The following CAMKMT variants were observed in gnomAD, a reference collection of about 807,000 sequenced individuals.
CAMKMT encodes the protein CaM KMT.
CAMKMT carries 53 observed loss-of-function variants against 48.0 expected under a neutral mutation model. That is an observed-to-expected ratio of 1.10 (90% confidence interval 0.89 to 1.39). The LOEUF (loss-of-function observed/expected upper bound fraction) is 1.39, where lower values mean the gene tolerates loss of function less well. Among genes scored for constraint, CAMKMT ranks in the 40% most tolerant of loss-of-function variants. The pLI, the probability that CAMKMT is intolerant of heterozygous loss-of-function variation, is 0.00. For missense variants in CAMKMT, 428 were observed against 402.7 expected (o/e 1.06, Z -0.54); for synonymous variants, 165 against 152.3 (o/e 1.08, Z -0.61).
chr2:44,638,071 A>G (rs1017141691), intron 3 of CAMKMT, among the ~76,000 whole-genome samples: 11 of 151,496 alleles, frequency 7.3e-5, no homozygotes, highest in African/African-American at 1.9e-4. Flanking sequence ...AAAAAAAAAA[A>G]AGAGAAAAAG....
intron 3 of CAMKMT, among the ~76,000 whole-genome samples, chr2:44,690,343 C>G (rs1676575119): frequency 6.6e-6 from 1 of 151,992 alleles, no homozygotes; most frequent in African/African-American, 2.4e-5. Context: ...AGTGAGAGCC[C>G]AAATATGATT....
intron 3 of CAMKMT, among the ~76,000 whole-genome samples, chr2:44,454,414 G>A (rs1667453030): frequency 6.6e-6 from 1 of 152,034 alleles, no homozygotes; most frequent in African/African-American, 2.4e-5. Flanking sequence ...GACCCTACCA[G>A]TAAAATAAAC....
chr2:44,590,527 A>G (rs1670196629), intron 3 of CAMKMT, among the ~76,000 whole-genome samples: 1 of 152,040 alleles, frequency 6.6e-6, no homozygotes, highest in South Asian at 2.1e-4. Flanking sequence ...GCATTTTTTC[A>G]TGTGTTTTTT....
chr2:44,576,942 A>G (rs1316098117), intron 3 of CAMKMT, among the ~76,000 whole-genome samples: 1 of 152,216 alleles, frequency 6.6e-6, no homozygotes, highest in Non-Finnish European at 1.5e-5. Flanking sequence ...TAGATGCTGG[A>G]ACTGTTTTCA....
chr2:44,537,177 C>A (rs12616170), intron 3 of CAMKMT, among the ~76,000 whole-genome samples: 87,824 of 152,052 alleles, frequency 0.58, 26,487 homozygotes, highest in South Asian at 0.68. Context: ...CAATATTAAA[C>A]TAAAAAGCCT....
intron 3 of CAMKMT, among the ~76,000 whole-genome samples, chr2:44,530,429 GA>G (rs911288561): frequency 1.1e-4 from 17 of 152,266 alleles, no homozygotes; most frequent in Admixed American, 8.5e-4. Context: ...AGAATTTTTA[GA>G]TATTCATTTA....
At chr2:44,514,653 C>T (rs1447256773) in intron 3 of CAMKMT, among the ~76,000 whole-genome samples, 1 of 152,218 alleles carries the variant, frequency 6.6e-6, no homozygotes, top group Non-Finnish European at 1.5e-5. Flanking sequence ...GGGACCTTTT[C>T]TGTCTTGTTC....
chr2:44,393,819 C>A (rs1262637816), intron 3 of CAMKMT, among the ~76,000 whole-genome samples: 1 of 152,190 alleles, frequency 6.6e-6, no homozygotes, highest in Non-Finnish European at 1.5e-5. Flanking sequence ...GGCAGGGACT[C>A]CTTTCTAGCT....
intron 3 of CAMKMT, among the ~76,000 whole-genome samples, chr2:44,616,378 A>C (rs1176845521): frequency 6.6e-6 from 1 of 152,186 alleles, no homozygotes; most frequent in African/African-American, 2.4e-5. Flanking sequence ...ATTGTTCCCC[A>C]TGGAAGAAGA....
chr2:44,685,818 C>G (rs1243102420), intron 3 of CAMKMT, among the ~76,000 whole-genome samples: 1 of 152,106 alleles, frequency 6.6e-6, no homozygotes, highest in Non-Finnish European at 1.5e-5. Context: ...AAATAATATT[C>G]TGCCCATTTC....
chr2:44,525,011 A>G lies in CAMKMT; in HGVS notation c.376+134706A>G, dbSNP rs141535220. On this transcript the variant is annotated intron_variant, in intron 3 of 10. Coordinates refer to ENST00000378494, the MANE Select transcript of CAMKMT (RefSeq NM_024766.5). ...GCTTGTTAATCATCCCTTTTGTATT[A>G]TTTTCATTAAATATTCATTTAAAGC... Among the ~76,000 whole-genome samples the G allele has an allele frequency of 1.1e-3, 163 of 151,812 alleles. 1 individual carries two copies. Among genetic ancestry groups the G allele is most frequent in the African/African-American group, 3.8e-3 (156 of 41,386 alleles).
At chr2:44,611,527 A>G (rs929686184) in intron 3 of CAMKMT, among the ~76,000 whole-genome samples, 1 of 152,250 alleles carries the variant, frequency 6.6e-6, no homozygotes, top group South Asian at 2.1e-4. Context: ...TGAAGAAATT[A>G]CAAAGTAAGT....
intron 9 of CAMKMT, among the ~76,000 whole-genome samples, chr2:44,755,942 G>A (rs1035525711): frequency 6.6e-6 from 1 of 152,170 alleles, no homozygotes; most frequent in Non-Finnish European, 1.5e-5. Flanking sequence ...AATGGCAGTG[G>A]GGGGGCCTCA....
chr2:44,764,856 G>A (rs1307057972), intron 9 of CAMKMT, among the ~76,000 whole-genome samples: 1 of 152,154 alleles, frequency 6.6e-6, no homozygotes, highest in Non-Finnish European at 1.5e-5. Context: ...GTGTAGTGGA[G>A]AGAGCATCAG....
At chr2:44,472,000 A>G (rs1054416226) in intron 3 of CAMKMT, among the ~76,000 whole-genome samples, 1 of 152,162 alleles carries the variant, frequency 6.6e-6, no homozygotes, top group African/African-American at 2.4e-5. Context: ...ATTTTCAAAT[A>G]GTACTTTAAG....
At chr2:44,695,023 T>A (rs1241165615) in intron 3 of CAMKMT, among the ~76,000 whole-genome samples, 1 of 152,236 alleles carries the variant, frequency 6.6e-6, no homozygotes, top group Non-Finnish European at 1.5e-5. Context: ...TAGAATAAAC[T>A]ATTAATTTAA....
chr2:44,615,663 A>T (rs1671848806), intron 3 of CAMKMT, among the ~76,000 whole-genome samples: 1 of 152,166 alleles, frequency 6.6e-6, no homozygotes, highest in Non-Finnish European at 1.5e-5. Context: ...TTGAGTTGGT[A>T]TACCATACAG....
Position 44,504,906 on chromosome 2 carries a change from T to C in CAMKMT, c.376+114601T>C, listed in dbSNP as rs185883533. Reference sequence around the variant, plus strand: ...GGTTCTACAGCTTGTACAAGAAGCATGGCACCAGCATCTGCTTCTGGTGAT... The same window carrying C: ...GGTTCTACAGCTTGTACAAGAAGCACGGCACCAGCATCTGCTTCTGGTGAT... On this transcript the variant is annotated intron_variant, in intron 3 of 10. Coordinates refer to ENST00000378494, the MANE Select transcript of CAMKMT (RefSeq NM_024766.5). Among the ~76,000 whole-genome samples, 23 of 152,238 alleles carry C rather than the reference T, an allele frequency of 1.5e-4. No individual in the cohort carries two copies. In the East Asian group the frequency reaches 3.7e-3, roughly 24 times the overall value.
intron 3 of CAMKMT, among the ~76,000 whole-genome samples, chr2:44,635,959 A>T (rs1673105610): frequency 6.6e-6 from 1 of 152,190 alleles, no homozygotes; most frequent in African/African-American, 2.4e-5. Context: ...TCCTATATAG[A>T]TATTTCAGTG....
Sources: allele counts gnomAD v4.1 joint callset (sites outside exome capture counted in the v4.1 genomes callset), GRCh38; gene constraint gnomAD v4.1.1; transcripts MANE v1.5; gene names NCBI Gene and HGNC (gene_info 2026-07-23, HGNC 2026-07-21).